Variants in PDE4B observed in about 807,000 individuals in gnomAD.
The protein encoded by PDE4B is 3',5'-cyclic-AMP phosphodiesterase 4B.
In PDE4B, 20 loss-of-function variants were observed where a neutral mutation model predicts 82.2. That is an observed-to-expected ratio of 0.24 (90% CI 0.17 to 0.35). PDE4B has a LOEUF of 0.35. Among genes scored for constraint, PDE4B ranks in the 10% least tolerant of loss-of-function variants. The pLI, the probability that PDE4B is intolerant of heterozygous loss-of-function variation, is 1.00. For missense variants in PDE4B, 655 were observed against 907.2 expected (o/e 0.72, Z 3.57); for synonymous variants, 320 against 318.9 (o/e 1.00, Z -0.04).
intron 1 of PDE4B, among the ~76,000 whole-genome samples, chr1:65,843,987 G>A (rs1646239366): frequency 6.6e-6 from 1 of 152,086 alleles, no homozygotes; most frequent in Non-Finnish European, 1.5e-5. Context: ...TAATTAGATT[G>A]TTTTTAAAGT....
chr1:65,945,992 C>T (rs1396959877), intron 3 of PDE4B, among the ~76,000 whole-genome samples: 1 of 151,898 alleles, frequency 6.6e-6, no homozygotes, highest in African/African-American at 2.4e-5. Flanking sequence ...TTTCTTCTTT[C>T]CCTAACTACT....
chr1:66,281,579 T>C (rs1418887527), intron 7 of PDE4B, among the ~76,000 whole-genome samples: 2 of 152,254 alleles, frequency 1.3e-5, no homozygotes, highest in East Asian at 3.8e-4. Flanking sequence ...ATTTTTCTTG[T>C]GTTAGGAGCA....
chr1:66,062,789 CTG>C (rs1196314336), intron 3 of PDE4B: 1 of 152,036 alleles, frequency 6.6e-6, no homozygotes, highest in Non-Finnish European at 1.5e-5. Context: ...CTTTCAGTAT[CTG>C]TATTGCATTA....
chr1:65,811,465 A>G (rs1645818219), intron 1 of PDE4B, among the ~76,000 whole-genome samples: 1 of 152,220 alleles, frequency 6.6e-6, no homozygotes, highest in South Asian at 2.1e-4. Flanking sequence ...CAAATGACCC[A>G]TTTTATGTGG....
At chr1:66,277,548 ACCACGC>A (rs1176912633) in intron 7 of PDE4B, among the ~76,000 whole-genome samples, 1 of 152,138 alleles carries the variant, frequency 6.6e-6, no homozygotes, top group Non-Finnish European at 1.5e-5. Flanking sequence ...GGTGTGCGCC[ACCACGC>A]CAGGCTAATT....
chr1:65,858,457 G>T (rs1301851493), intron 1 of PDE4B, among the ~76,000 whole-genome samples: 2 of 152,176 alleles, frequency 1.3e-5, no homozygotes, highest in African/African-American at 2.4e-5. Flanking sequence ...TTGGCTGCAA[G>T]TTCCAACACA....
chr1:66,294,088 C>A (rs1170307497), intron 7 of PDE4B, among the ~76,000 whole-genome samples: 1 of 152,098 alleles, frequency 6.6e-6, no homozygotes, highest in Non-Finnish European at 1.5e-5. Context: ...TGCCTGTAAT[C>A]CCAGCTACTC....
intron 2 of PDE4B, among the ~76,000 whole-genome samples, chr1:65,914,467 C>T (rs1369285838): frequency 7.0e-6 from 1 of 142,786 alleles, no homozygotes; most frequent in African/African-American, 2.5e-5. Flanking sequence ...TCTTCTTCTT[C>T]TTCTTTTTTT....
At chr1:65,808,306 G>A (rs934511453) in intron 1 of PDE4B, among the ~76,000 whole-genome samples, 2 of 151,606 alleles carry the variant, frequency 1.3e-5, no homozygotes, top group Non-Finnish European at 2.9e-5. Context: ...CAAGTAGCTA[G>A]CACTACAGGC....
At chr1:66,013,849 A>G (rs564620290) in intron 3 of PDE4B, among the ~76,000 whole-genome samples, 2 of 152,224 alleles carry the variant, frequency 1.3e-5, no homozygotes, top group South Asian at 2.1e-4. Flanking sequence ...TGATAATTCT[A>G]TTTTTAATTT....
At chr1:66,148,446 C>T (rs1193280838) in intron 3 of PDE4B, among the ~76,000 whole-genome samples, 1 of 151,994 alleles carries the variant, frequency 6.6e-6, no homozygotes, top group Non-Finnish European at 1.5e-5. Context: ...ACAATAATGT[C>T]CATGTCTTAC....
chr1:66,308,360 T>A (rs1658431413), intron 7 of PDE4B, among the ~76,000 whole-genome samples: 1 of 152,180 alleles, frequency 6.6e-6, no homozygotes, highest in Admixed American at 6.6e-5. Context: ...TGAAGTATCA[T>A]ATGCAGAGAG....
At chr1:66,070,242 G>A (rs1281228257) in intron 3 of PDE4B, among the ~76,000 whole-genome samples, 1 of 151,464 alleles carries the variant, frequency 6.6e-6, no homozygotes, top group Non-Finnish European at 1.5e-5. Flanking sequence ...GTGTCTATAT[G>A]CATTTTTTTT....
chr1:66,274,633 C>T (rs1482913585), intron 7 of PDE4B, among the ~76,000 whole-genome samples: 1 of 152,170 alleles, frequency 6.6e-6, no homozygotes, highest in Admixed American at 6.5e-5. Flanking sequence ...CTTAACCTCT[C>T]TGTGTCCTAA....
chr1:65,973,128 G>A (rs959166307), intron 3 of PDE4B, among the ~76,000 whole-genome samples: 1 of 152,042 alleles, frequency 6.6e-6, no homozygotes, highest in Admixed American at 6.6e-5. Flanking sequence ...CCATTGATTG[G>A]GAAGACACAC....
chr1:66,283,968 C>T (rs1177956087), intron 7 of PDE4B, among the ~76,000 whole-genome samples: 1 of 152,130 alleles, frequency 6.6e-6, no homozygotes, highest in Non-Finnish European at 1.5e-5. Context: ...CGAGTACTCA[C>T]CACAACATGA....
intron 1 of PDE4B, among the ~76,000 whole-genome samples, chr1:65,805,695 T>C (rs1475433762): frequency 6.6e-6 from 1 of 152,228 alleles, no homozygotes; most frequent in African/African-American, 2.4e-5. Flanking sequence ...TGAAATGTTT[T>C]ACATCTGGAA....
intron 4 of PDE4B, among the ~76,000 whole-genome samples, chr1:66,255,876 G>A (rs1654179065): frequency 6.6e-6 from 1 of 152,178 alleles, no homozygotes; most frequent in Non-Finnish European, 1.5e-5. Flanking sequence ...CATAAAATAG[G>A]AAGCATAGGC....
chr1:65,966,512 A>G (rs1397063653), intron 3 of PDE4B, among the ~76,000 whole-genome samples: 1 of 152,202 alleles, frequency 6.6e-6, no homozygotes, highest in African/African-American at 2.4e-5. Context: ...CCATCAAGCT[A>G]CCAGTGACTT....
Sources: allele counts gnomAD v4.1 joint callset (sites outside exome capture counted in the v4.1 genomes callset), GRCh38; gene constraint gnomAD v4.1.1; transcripts MANE v1.5; gene names NCBI Gene and HGNC (gene_info 2026-07-23, HGNC 2026-07-21).